TUSC3: variants seen among roughly 807,000 people sequenced by gnomAD.
TUSC3 encodes the protein dolichyl-diphosphooligosaccharide--protein glycosyltransferase subunit TUSC3.
Under a neutral mutation model 44.8 loss-of-function variants are expected in TUSC3, and 45 were observed. That is an observed-to-expected ratio of 1.00 (90% CI 0.79 to 1.29). TUSC3 has a LOEUF of 1.29. Among genes scored for constraint, TUSC3 ranks in the 50% most tolerant of loss-of-function variants. The pLI is 0.00. For missense variants in TUSC3, 519 were observed against 437.9 expected (o/e 1.19, Z -1.65); for synonymous variants, 212 against 152.9 (o/e 1.39, Z -2.85).
At chr8:15,641,749 A>G (rs955317607) in intron 2 of TUSC3, among the ~76,000 whole-genome samples, 1 of 152,274 alleles carries the variant, frequency 6.6e-6, no homozygotes, top group Non-Finnish European at 1.5e-5. Context: ...GATTTTCAAA[A>G]TTCATGTGTT....
chr8:15,616,396 G>A (rs1804989193), intron 1 of TUSC3, among the ~76,000 whole-genome samples: 1 of 151,972 alleles, frequency 6.6e-6, no homozygotes, highest in African/African-American at 2.4e-5. Context: ...TGGCCAACAT[G>A]GCAAAACTCC....
At position 15,587,460 on chromosome 8, in the gene TUSC3, T is replaced by A. The variant is rs551158138; in HGVS notation, c.139-35620T>A. Among the ~76,000 whole-genome samples the A allele has an allele frequency of 2.6e-5, 4 of 152,296 alleles. No individual in the cohort carries two copies. The East Asian group carries it at 7.7e-4, about 29-fold the overall frequency. ...TTAGTTGACATGTAATAACTGTATA[T>A]ATTTATGGAGTACGGAGTGATATTT... On this transcript the variant is annotated intron_variant, in intron 1 of 10. Coordinates refer to ENST00000503731, the MANE Select transcript of TUSC3 (RefSeq NM_006765.4).
At chr8:15,852,058 G>A in the TUSC3 span, among the ~76,000 whole-genome samples, 2 of 152,214 alleles carry the variant, frequency 1.3e-5, no homozygotes, top group African/African-American at 4.8e-5. Flanking sequence ...ACGTGGAACT[G>A]TGAGTCCATT....
In TUSC3 at chr8:15,766,418, A is replaced by G. The variant is rs1224207703; in HGVS notation, c.*2262A>G. Reference sequence around the variant, plus strand: ...ATAATTGATTTGTACCTGGTATGTTATATCCTCCAGTGTCACTTTTTAACC... The same window carrying G: ...ATAATTGATTTGTACCTGGTATGTTGTATCCTCCAGTGTCACTTTTTAACC... On this transcript the variant is annotated 3_prime_UTR_variant, in exon 11 of 11. Coordinates refer to ENST00000503731, the MANE Select transcript of TUSC3 (RefSeq NM_006765.4). 6.6e-6 allele frequency: 1 copy of G among 152,124 alleles called. No individual in the cohort carries two copies. The highest frequency in any genetic ancestry group is 6.6e-5 in the Admixed American group (1 of 15,252). 9.4% of individuals were successfully genotyped at this position (152,124 alleles called of 1,614,324 possible).
intron 7 of TUSC3, among the ~76,000 whole-genome samples, chr8:15,736,005 G>C (rs1810922613): frequency 6.6e-6 from 1 of 152,064 alleles, no homozygotes; most frequent in Non-Finnish European, 1.5e-5. Context: ...TGGGATTACA[G>C]GCATGAGCCA....
chr8:15,571,064 C>T (rs891293656), intron 1 of TUSC3, among the ~76,000 whole-genome samples: 44 of 147,524 alleles, frequency 3.0e-4, no homozygotes, highest in African/African-American at 1.0e-3. Flanking sequence ...TCAAGGGATT[C>T]TCCTGCCCCA....
intron 6 of TUSC3, among the ~76,000 whole-genome samples, chr8:15,711,470 G>GTT (rs1263228738): frequency 4.0e-5 from 3 of 74,116 alleles, no homozygotes; most frequent in Admixed American, 3.5e-4. Flanking sequence ...GTACGTGTGT[G>GTT]TGTGTGTGTG....
the TUSC3 span, among the ~76,000 whole-genome samples, chr8:15,834,736 AT>A: frequency 1.3e-5 from 2 of 152,038 alleles, no homozygotes; most frequent in Non-Finnish European, 2.9e-5. Flanking sequence ...CTGGTAATTT[AT>A]TTATACAACC....
At chr8:15,585,500 G>T (rs956779488) in intron 1 of TUSC3, among the ~76,000 whole-genome samples, 3 of 152,094 alleles carry the variant, frequency 2.0e-5, no homozygotes, top group Non-Finnish European at 4.4e-5. Context: ...AGAGGGTTGT[G>T]TTTTTTTACA....
At chr8:15,815,883 A>G in the TUSC3 span, among the ~76,000 whole-genome samples, 4 of 152,190 alleles carry the variant, frequency 2.6e-5, no homozygotes, top group African/African-American at 9.7e-5. Context: ...TCCAGAATAA[A>G]TTATCATACA....
chr8:15,443,258 C>T (rs967643902), intron 1 of TUSC3, among the ~76,000 whole-genome samples: 2 of 151,824 alleles, frequency 1.3e-5, no homozygotes, highest in Admixed American at 6.6e-5. Context: ...ACTGCAGTCT[C>T]GAGCTCCTGG....
the TUSC3 span, among the ~76,000 whole-genome samples, chr8:15,829,254 C>G: frequency 6.6e-6 from 1 of 152,162 alleles, no homozygotes; most frequent in Non-Finnish European, 1.5e-5. Context: ...CAACTTCACT[C>G]ATGTCAATTT....
At chr8:15,798,082 T>C in the TUSC3 span, among the ~76,000 whole-genome samples, 1 of 152,218 alleles carries the variant, frequency 6.6e-6, no homozygotes, top group Non-Finnish European at 1.5e-5. Flanking sequence ...GCTATTTCTA[T>C]GTCCCACTAG....
intron 1 of TUSC3, among the ~76,000 whole-genome samples, chr8:15,578,871 G>T (rs1324057065): frequency 3.3e-5 from 5 of 151,982 alleles, no homozygotes; most frequent in African/African-American, 9.7e-5. Context: ...CTATTGATTG[G>T]AATAGTTTCA....
chr8:15,551,582 C>G (rs1307533912), intron 1 of TUSC3, among the ~76,000 whole-genome samples: 6 of 151,690 alleles, frequency 4.0e-5, no homozygotes, highest in African/African-American at 1.4e-4. Context: ...AATACCTAAT[C>G]TACAAAGCCA....
At chr8:15,680,182 C>T (rs1389284694) in intron 6 of TUSC3, among the ~76,000 whole-genome samples, 5 of 151,898 alleles carry the variant, frequency 3.3e-5, no homozygotes, top group East Asian at 1.9e-4. Context: ...GGCAGAATGG[C>T]GATTTTAATG....
intron 1 of TUSC3, among the ~76,000 whole-genome samples, chr8:15,457,641 A>G (rs1800274728): frequency 6.6e-6 from 1 of 150,416 alleles, no homozygotes; most frequent in Non-Finnish European, 1.5e-5. Context: ...TAATAATTCA[A>G]AAGCCTATCC....
intron 1 of TUSC3, among the ~76,000 whole-genome samples, chr8:15,573,644 C>A (rs953327837): frequency 1.3e-5 from 2 of 151,928 alleles, no homozygotes; most frequent in African/African-American, 4.8e-5. Flanking sequence ...TGTTTATGAA[C>A]CCTCAGACTT....
At position 15,656,846 on chromosome 8, in the gene TUSC3, T is replaced by G. The variant is rs192909840; in HGVS notation, c.427-2661T>G. Among the ~76,000 whole-genome samples the G allele has an allele frequency of 7.2e-4, 110 of 152,342 alleles. 1 individual carries two copies. In the East Asian group the frequency reaches 0.018, roughly 24 times the overall value. On this transcript the variant is annotated intron_variant, in intron 3 of 10. Transcript: ENST00000503731. ...TTTAGGTGAAGGAAGACATACCTCC[T>G]CAGCTCTTACATTCTGGGCACGTGC...
Sources: allele counts gnomAD v4.1 joint callset (sites outside exome capture counted in the v4.1 genomes callset), GRCh38; gene constraint gnomAD v4.1.1; transcripts MANE v1.5; gene names NCBI Gene and HGNC (gene_info 2026-07-23, HGNC 2026-07-21).